The following ZSCAN18 variants were observed in gnomAD, a reference collection of about 807,000 sequenced individuals.
ZSCAN18 encodes zinc finger and SCAN domain containing 18.
Under a neutral mutation model 31.1 loss-of-function variants are expected in ZSCAN18, and 16 were observed. The ratio of observed to expected loss-of-function variants is 0.51; its 90% CI spans 0.35 to 0.78. The LOEUF (loss-of-function observed/expected upper bound fraction) is 0.78, where lower values mean the gene tolerates loss of function less well. Among genes scored for constraint, ZSCAN18 ranks in the 30% least tolerant of loss-of-function variants. ZSCAN18 has a pLI of 0.01. For synonymous variants in ZSCAN18, 375 were observed against 320.7 expected (o/e 1.17, Z -1.81); for missense variants, 731 against 697.4 (o/e 1.05, Z -0.54).
intron 1 of ZSCAN18, among the ~76,000 whole-genome samples, chr19:58,095,260 C>T (rs941780275): frequency 6.6e-6 from 1 of 152,208 alleles, no homozygotes; most frequent in Non-Finnish European, 1.5e-5. Context: ...GCTTGTTCAC[C>T]TTGCAGAGAA....
chr19:58,097,305 T>G, intron 1 of ZSCAN18, among the ~76,000 whole-genome samples: 2 of 148,752 alleles, frequency 1.3e-5, no homozygotes, highest in African/African-American at 2.5e-5. Context: ...TGGACGGGGG[T>G]AGAGGGGGAT....
chr19:58,111,381 C>T (rs1380279053), intron 1 of ZSCAN18, among the ~76,000 whole-genome samples: 2 of 152,120 alleles, frequency 1.3e-5, no homozygotes, highest in Non-Finnish European at 1.5e-5. Context: ...GGGTCTCATT[C>T]TGCTACCCTG....
intron 1 of ZSCAN18, among the ~76,000 whole-genome samples, chr19:58,105,934 G>A (rs955653941): frequency 3.9e-5 from 6 of 152,152 alleles, no homozygotes; most frequent in African/African-American, 7.2e-5. Flanking sequence ...AGCTGAGATC[G>A]CGCCACTGCA....
At chr19:58,102,444 G>A (rs1356458647), upstream of ZSCAN18, among the ~76,000 whole-genome samples, 1 of 151,566 alleles carries the variant, frequency 6.6e-6, no homozygotes, top group Non-Finnish European at 1.5e-5. Context: ...CTGGGCGACA[G>A]AGCAAGACTC....
Position 58,116,317 on chromosome 19 carries a change from G to A in ZSCAN18, c.130+1950C>T, listed in dbSNP as rs142214314. Among the ~76,000 whole-genome samples, 427 of 150,420 alleles carry A rather than the reference G, an allele frequency of 2.8e-3. 1 individual carries two copies. Among genetic ancestry groups the A allele is most frequent in the African/African-American group, 0.01 (414 of 40,752 alleles). On this transcript the variant is annotated intron_variant, in intron 1 of 1. Transcript: ENST00000595721. The stretch of plus-strand genomic sequence containing the variant: ...AGGGCCAGCTTCCTGTGGTCACAAG[G>A]ATGGCTCTTTTTCTTTCATTCTGCA...
At chr19:58,101,730 G>A (rs1009218361), upstream of ZSCAN18, among the ~76,000 whole-genome samples, 1 of 151,348 alleles carries the variant, frequency 6.6e-6, no homozygotes, top group African/African-American at 2.4e-5. Flanking sequence ...ATGTTGACCA[G>A]GCTGGTCTCA....
At position 58,089,853 on chromosome 19, in the gene ZSCAN18, G is replaced by T. The variant is rs200472177; in HGVS notation, c.403+12C>A. 6.3e-7 allele frequency: 1 copy of T among 1,599,404 alleles called. No individual in the cohort carries two copies. Among genetic ancestry groups the T allele is most frequent in the African/African-American group, 1.3e-5 (1 of 74,698 alleles). On this transcript the variant is annotated intron_variant, in intron 2 of 6. Coordinates refer to ENST00000601144, the MANE Select transcript of ZSCAN18 (RefSeq NM_001145543.2). ...CTCCTCTGAGCCATGCTTCTCCTCT[G>T]TGACAGCCCACCTGGCTCTTCCAGG... is the stretch of plus-strand genomic sequence containing the variant.
At chr19:58,085,852 G>A (rs2074268577) in intron 6 of ZSCAN18, 1 of 359,096 alleles carries the variant, frequency 2.8e-6, no homozygotes, top group Non-Finnish European at 5.1e-6. Flanking sequence ...GCCCAAGTCC[G>A]CCTCTAGGTG....
At chr19:58,100,183 G>A (rs1279849594), upstream of ZSCAN18, among the ~76,000 whole-genome samples, 6 of 151,786 alleles carry the variant, frequency 4.0e-5, no homozygotes, top group South Asian at 1.0e-3. Flanking sequence ...TCAGACCCCC[G>A]GGCTCAAGCA....
rs909450427 is a variant in ZSCAN18, at chr19:58,084,581, A to C, written c.*104T>G. On this transcript the variant is annotated 3_prime_UTR_variant, in exon 7 of 7. Transcript: ENST00000601144. The surrounding 1 kb of genome is among the most constrained non-coding windows in gnomAD (Gnocchi z 4.5). ...AGGGCACAGGCAGAGGACGTCCACA[A>C]ACACCACAGGAAGCCGCCACCCAGG... The C allele has an allele frequency of 4.7e-5, 56 of 1,188,514 alleles. No homozygotes were observed. The highest frequency in any genetic ancestry group is 6.2e-5 in the Non-Finnish European group (55 of 891,440). The allele number at this position is 1,188,514 out of a possible 1,614,324, so 73.6% of individuals were successfully genotyped here. A position where few individuals can be genotyped will look rare whatever the true frequency, so the allele number is the denominator to read the frequency against.
At chr19:58,088,990 G>A (rs2074344529) in intron 2 of ZSCAN18, among the ~76,000 whole-genome samples, 153 bp from the exon 3 acceptor site, 1 of 152,088 alleles carries the variant, frequency 6.6e-6, no homozygotes, top group East Asian at 1.9e-4. Flanking sequence ...AGCCTGCAAA[G>A]TACCCAGAAT....
chr19:58,099,842 A>C (rs991949357), upstream of ZSCAN18, among the ~76,000 whole-genome samples: 2 of 152,188 alleles, frequency 1.3e-5, no homozygotes, highest in Non-Finnish European at 2.9e-5. Context: ...TTAATTGCTA[A>C]CAAGTTTGAG....
rs1221365364 is a variant in ZSCAN18, at chr19:58,107,839, G to C, written c.130+10428C>G. On this transcript the variant is annotated intron_variant, in intron 1 of 1. Coordinates refer to the ZSCAN18 transcript ENST00000595721. Reference sequence around the variant, plus strand: ...AAAACTTTCCCACACTAGACACACTGGCACAAGGTCGCCTGAGCATGTACC... The same window carrying C: ...AAAACTTTCCCACACTAGACACACTCGCACAAGGTCGCCTGAGCATGTACC... The C allele has an allele frequency of 4.9e-6, 5 of 1,018,626 alleles. No individual in the cohort carries two copies. The African/African-American group carries it at 8.6e-5, about 17-fold the overall frequency. 63.1% of individuals were successfully genotyped at this position (1,018,626 alleles called of 1,614,324 possible). A position where few individuals can be genotyped will look rare whatever the true frequency, so the allele number is the denominator to read the frequency against.
At chr19:58,110,543 C>A (rs1462592500) in intron 1 of ZSCAN18, among the ~76,000 whole-genome samples, 1 of 152,200 alleles carries the variant, frequency 6.6e-6, no homozygotes, top group Non-Finnish European at 1.5e-5. Flanking sequence ...TCTTCCCAAT[C>A]CCAGTAAACA....
At chr19:58,114,879 C>T (rs1270759026) in intron 1 of ZSCAN18, among the ~76,000 whole-genome samples, 3 of 152,152 alleles carry the variant, frequency 2.0e-5, no homozygotes, top group African/African-American at 7.2e-5. Flanking sequence ...GATCATCATT[C>T]ATTAACACCT....
intron 1 of ZSCAN18, chr19:58,108,186 C>A: frequency 2.0e-6 from 2 of 985,992 alleles, no homozygotes; most frequent in Non-Finnish European, 2.4e-6. Flanking sequence ...GGGTCTCTTT[C>A]CAATGTGAAT....
intron 1 of ZSCAN18, among the ~76,000 whole-genome samples, chr19:58,103,970 G>T (rs559828894): frequency 6.6e-6 from 1 of 152,284 alleles, no homozygotes; most frequent in South Asian, 2.1e-4. Context: ...CTGGATAGGA[G>T]ATCAAACTAC....
At position 58,085,380 on chromosome 19, in the gene ZSCAN18, C is replaced by T; in HGVS notation, c.839-1G>A. 6.3e-7 allele frequency: 1 copy of T among 1,587,110 alleles called. No individual in the cohort carries two copies. Among genetic ancestry groups the T allele is most frequent in the South Asian group, 1.1e-5 (1 of 89,818 alleles). On this transcript the variant is annotated splice_acceptor_variant, in intron 6 of 6. Transcript: ENST00000601144. LOFTEE classifies it high-confidence loss of function. ...GCGCTCTCCTGCCGCCTCCCGCCTT[C>T]TGGAACAAGGTCAGAGCCCTAGCGT...
chr19:58,087,138 G>A (rs1568629434), intron 4 of ZSCAN18, 130 bp from the exon 5 acceptor site: 5 of 987,826 alleles, frequency 5.1e-6, no homozygotes, highest in Non-Finnish European at 6.0e-6. Context: ...TGCACTGCAG[G>A]AGGCAGCCCC....
Sources: allele counts gnomAD v4.1 joint callset (sites outside exome capture counted in the v4.1 genomes callset), GRCh38; gene constraint gnomAD v4.1.1; non-coding constraint Gnocchi (gnomAD v3.1); transcripts MANE v1.5; gene names NCBI Gene and HGNC (gene_info 2026-07-23, HGNC 2026-07-21).